The following EPB41 variants were observed in gnomAD, a reference collection of about 807,000 sequenced individuals.
EPB41 encodes protein 4.1.
EPB41 carries 65 observed loss-of-function variants against 108.0 expected under a neutral mutation model. The ratio of observed to expected loss-of-function variants is 0.60; its 90% CI spans 0.49 to 0.74. The LOEUF is 0.74. Ranked by LOEUF, EPB41 falls within the 30% of genes least tolerant of loss-of-function variation. The pLI, the probability that EPB41 is intolerant of heterozygous loss-of-function variation, is 0.00. For synonymous variants in EPB41, 336 were observed against 358.9 expected (o/e 0.94, Z 0.72); for missense variants, 875 against 1,037.0 (o/e 0.84, Z 2.15).
chr1:29,107,662 C>T (rs1195290492), intron 17 of EPB41, among the ~76,000 whole-genome samples: 2 of 151,610 alleles, frequency 1.3e-5, no homozygotes, highest in East Asian at 3.9e-4. Flanking sequence ...ACCAGCCTGG[C>T]CAATATGGTG....
At position 28,899,099 on chromosome 1, in the gene EPB41, T is replaced by C. The variant is rs563753916; in HGVS notation, c.-8+11889T>C. ...TGTCTGTCAGTGCAAGATCACACAGTAGAAGCCCAGGTCTCCAGACCCTCT... is the reference window on the plus strand; with the variant it reads ...TGTCTGTCAGTGCAAGATCACACAGCAGAAGCCCAGGTCTCCAGACCCTCT... On this transcript the variant is annotated intron_variant, in intron 1 of 16. Coordinates refer to the EPB41 transcript ENST00000347529. 3.9e-4 allele frequency among the ~76,000 whole-genome samples: 60 copies of C among 152,186 alleles called. 1 individual carries two copies. Among genetic ancestry groups the C allele is most frequent in the Admixed American group, 2.0e-4 (3 of 15,270 alleles).
intron 1 of EPB41, among the ~76,000 whole-genome samples, chr1:28,970,373 A>G (rs950866101): frequency 2.6e-5 from 4 of 152,210 alleles, no homozygotes; most frequent in African/African-American, 4.8e-5. Flanking sequence ...TTGAGTTTCA[A>G]AATTTTAAAG....
At chr1:29,069,618 A>G (rs1349722466) in intron 16 of EPB41, 1 of 216,956 alleles carries the variant, frequency 4.6e-6, no homozygotes, top group African/African-American at 2.3e-5. Flanking sequence ...TAAAGTCTAT[A>G]TGAAGAGATA....
At chr1:28,894,094 T>C (rs1230150097) in intron 1 of EPB41, among the ~76,000 whole-genome samples, 1 of 152,210 alleles carries the variant, frequency 6.6e-6, no homozygotes, top group East Asian at 1.9e-4. Context: ...CCTTTTTCTG[T>C]TGCATACAGG....
At chr1:29,112,163 T>C (rs991225307) in intron 18 of EPB41, among the ~76,000 whole-genome samples, 2 of 151,984 alleles carry the variant, frequency 1.3e-5, no homozygotes, top group Non-Finnish European at 2.9e-5. Flanking sequence ...TTTTTCTTTT[T>C]TTGTTTGTTT....
At chr1:29,045,772 A>G (rs1642975757) in intron 11 of EPB41, among the ~76,000 whole-genome samples, 1 of 145,334 alleles carries the variant, frequency 6.9e-6, no homozygotes, top group Non-Finnish European at 1.5e-5. Flanking sequence ...TGAGAGTTCA[A>G]GACCAGCCTG....
Position 29,015,730 on chromosome 1 carries a change from C to G in EPB41, c.868C>G (p.Pro290Ala), listed in dbSNP as rs1051352050. Reference protein sequence around the residue: ...WNFTFNVKFYPPDPAQLTEDI... With the variant: ...WNFTFNVKFYAPDPAQLTEDI... ...TTTTACATTTAATGTAAAGTTTTAT[C>G]CACCTGACCCAGCACAGTTAACAGA... The change falls in exon 6 of 21, where the codon CCA (proline) becomes GCA (alanine). Residue 290 changes from proline to alanine, a missense_variant. By Grantham distance (27) the Pro-to-Ala change is conservative. Transcript: ENST00000343067. The G allele has an allele frequency of 1.2e-6, 2 of 1,609,228 alleles. No homozygotes were observed.
chr1:28,936,634 G>T (rs967481617), intron 1 of EPB41, among the ~76,000 whole-genome samples: 7 of 152,080 alleles, frequency 4.6e-5, no homozygotes, highest in Non-Finnish European at 7.4e-5. Flanking sequence ...TCACATAAAT[G>T]GAATCACATA....
chr1:29,026,592 T>C (rs1318123286), intron 7 of EPB41, among the ~76,000 whole-genome samples: 2 of 152,128 alleles, frequency 1.3e-5, no homozygotes, highest in Non-Finnish European at 2.9e-5. Context: ...TTGAATAAAA[T>C]GAAAATTCGT....
chr1:28,999,084 G>A (rs1053722850), intron 4 of EPB41, among the ~76,000 whole-genome samples: 3 of 152,184 alleles, frequency 2.0e-5, no homozygotes, highest in Non-Finnish European at 4.4e-5. Flanking sequence ...ATTCTCCCAT[G>A]AATTGGCGGG....
chr1:28,941,477 A>G (rs2094283737), intron 1 of EPB41, among the ~76,000 whole-genome samples: 1 of 152,246 alleles, frequency 6.6e-6, no homozygotes, highest in African/African-American at 2.4e-5. Context: ...TCGGAAGAAG[A>G]AACGTTTACA....
chr1:29,060,330 A>AT lies in EPB41; in HGVS notation c.1945-86dup, dbSNP rs1263310881. The AT allele has an allele frequency of 6.3e-6, 7 of 1,105,048 alleles. No individual in the cohort carries two copies. The East Asian group carries it at 1.7e-4, about 27-fold the overall frequency. 68.5% of individuals were successfully genotyped at this position (1,105,048 alleles called of 1,614,324 possible). On this transcript the variant is annotated intron_variant, in intron 14 of 20. Coordinates refer to ENST00000343067, the MANE Select transcript of EPB41 (RefSeq NM_001376013.1). ...GCGCTGTGGACATTTATTTTTAAAT[A>AT]TTTTTTGGTTTGCCAATTTTCAGTT...
At chr1:29,027,620 C>T (rs578140092) in intron 7 of EPB41, among the ~76,000 whole-genome samples, 82 of 151,976 alleles carry the variant, frequency 5.4e-4, no homozygotes, top group African/African-American at 1.7e-3. Context: ...CATGAGCCAC[C>T]GCGCCTGGCT....
At chr1:28,919,984 A>C (rs1189849906) in intron 1 of EPB41, among the ~76,000 whole-genome samples, 1 of 152,126 alleles carries the variant, frequency 6.6e-6, no homozygotes, top group Non-Finnish European at 1.5e-5. Flanking sequence ...AGTTCTACCC[A>C]ATTAATCTAG....
intron 1 of EPB41, among the ~76,000 whole-genome samples, chr1:28,974,314 A>G (rs764906488): frequency 8.5e-5 from 13 of 152,194 alleles, no homozygotes; most frequent in Non-Finnish European, 1.6e-4. Flanking sequence ...TGGTCACTAT[A>G]AGTCTAGAAA....
At chr1:28,906,828 T>G (rs1570297695) in intron 1 of EPB41, among the ~76,000 whole-genome samples, 1 of 150,774 alleles carries the variant, frequency 6.6e-6, no homozygotes, top group Non-Finnish European at 1.5e-5. Context: ...CAGGCTGGAG[T>G]GCAGTAGTGC....
At chr1:28,904,725 T>G (rs1459605404) in intron 1 of EPB41, among the ~76,000 whole-genome samples, 1 of 151,768 alleles carries the variant, frequency 6.6e-6, no homozygotes, top group African/African-American at 2.4e-5. Context: ...TGGTAAAACC[T>G]TGTCTCTACT....
intron 1 of EPB41, among the ~76,000 whole-genome samples, chr1:28,915,838 ATAT>A (rs1472480763): frequency 1.5e-5 from 2 of 135,370 alleles, no homozygotes; most frequent in Non-Finnish European, 3.0e-5. Context: ...TGTGTCTTGG[ATAT>A]TATTATAGTG....
At chr1:29,023,410 G>A (rs532015766) in intron 7 of EPB41, among the ~76,000 whole-genome samples, 11 of 151,882 alleles carry the variant, frequency 7.2e-5, no homozygotes, top group Admixed American at 5.9e-4. Context: ...GCTCTTGACC[G>A]GGCACAGTGG....
Sources: gnomAD v4.1 joint callset for allele counts (sites outside exome capture counted in the v4.1 genomes callset) on GRCh38, gnomAD v4.1.1 for gene constraint, MANE v1.5 for transcripts, NCBI Gene and HGNC (gene_info 2026-07-23, HGNC 2026-07-21) for gene names.